SLC22A25: variants seen among roughly 807,000 people sequenced by gnomAD.
SLC22A25 encodes solute carrier family 22 member 25.
SLC22A25 carries 44 observed loss-of-function variants against 45.9 expected under a neutral mutation model. The observed-to-expected ratio is 0.96, with a 90% confidence interval of 0.75 to 1.23. The LOEUF (loss-of-function observed/expected upper bound fraction) is 1.23. Ranked by LOEUF, SLC22A25 falls within the 50% of genes most tolerant of loss-of-function variation. The pLI is 0.00. For missense variants in SLC22A25, 800 were observed against 666.4 expected (o/e 1.20, Z -2.21); for synonymous variants, 283 against 238.6 (o/e 1.19, Z -1.72).
chr11:63,226,240 C>T (rs2089959628), intron 5 of SLC22A25, among the ~76,000 whole-genome samples: 2 of 152,080 alleles, frequency 1.3e-5, no homozygotes, highest in African/African-American at 4.8e-5. Flanking sequence ...GTTAGATATT[C>T]ATTGTGGTTT....
At chr11:63,230,282 T>C (rs1023165518) in intron 3 of SLC22A25, among the ~76,000 whole-genome samples, 186 bp from the exon 4 acceptor site, 3 of 152,192 alleles carry the variant, frequency 2.0e-5, no homozygotes, top group Non-Finnish European at 4.4e-5. Context: ...TTACTTCAAA[T>C]GTGGGGAGAG....
At chr11:63,194,901 A>C (rs2088956739) in intron 7 of SLC22A25, among the ~76,000 whole-genome samples, 1 of 29,594 alleles carries the variant, frequency 3.4e-5, no homozygotes, top group Non-Finnish European at 6.4e-5. Flanking sequence ...AAAAAAAAAA[A>C]AAAAAAAAAA....
chr11:63,218,197 C>T, intron 5 of SLC22A25: 1 of 399,096 alleles, frequency 2.5e-6, no homozygotes, highest in Admixed American at 2.9e-5. Flanking sequence ...TCTTCTGCAG[C>T]AACATGGATG....
In SLC22A25 at chr11:63,217,676, C is replaced by G. The variant is rs181827369; in HGVS notation, c.566G>C (p.Cys189Ser). Reference protein sequence around the residue: ...SYLQLAIVGTCAAFAPTILVY... With the variant: ...SYLQLAIVGTSAAFAPTILVY... ...GAGGATGGTGGGAGCAAAGGCCGCACAGGTGCCTACAATGGCGAGCTGGAG... is the reference window on the plus strand; with the variant it reads ...GAGGATGGTGGGAGCAAAGGCCGCAGAGGTGCCTACAATGGCGAGCTGGAG... Residue 189 changes from cysteine to serine, a missense_variant, in exon 6 of 12, where the codon TGT becomes TCT. By Grantham distance (112) the Cys-to-Ser change is moderately radical (BLOSUM62 -1). Transcript: ENST00000306494. 52 of 1,613,926 alleles carry G rather than the reference C, an allele frequency of 3.2e-5. No homozygotes were observed. The African/African-American group carries it at 4.3e-4, about 13-fold the overall frequency.
intron 8 of SLC22A25, among the ~76,000 whole-genome samples, chr11:63,181,977 C>A (rs1438276889): frequency 6.6e-6 from 1 of 152,044 alleles, no homozygotes; most frequent in African/African-American, 2.4e-5. Flanking sequence ...ACTGAACTCG[C>A]TGACCACTAA....
intron 7 of SLC22A25, among the ~76,000 whole-genome samples, chr11:63,186,786 AT>A (rs1162750726): frequency 1.3e-5 from 2 of 151,962 alleles, no homozygotes; most frequent in African/African-American, 4.8e-5. Flanking sequence ...TCCCAGCACC[AT>A]TTATTAAATA....
chr11:63,189,225 A>C (rs1025425037), intron 7 of SLC22A25, among the ~76,000 whole-genome samples: 5 of 151,668 alleles, frequency 3.3e-5, no homozygotes, highest in East Asian at 1.9e-4. Context: ...GAATCTGGGT[A>C]CTCCTGTATT....
chr11:63,200,854 A>G (rs2089217557), intron 7 of SLC22A25, among the ~76,000 whole-genome samples: 1 of 152,212 alleles, frequency 6.6e-6, no homozygotes, highest in African/African-American at 2.4e-5. Flanking sequence ...GCATTCCTGT[A>G]CACCAACAAC....
intron 7 of SLC22A25, among the ~76,000 whole-genome samples, chr11:63,205,732 G>T (rs184822488): frequency 2.0e-5 from 3 of 152,266 alleles, no homozygotes; most frequent in East Asian, 3.9e-4. Context: ...GGTACAAAGA[G>T]AAGTTGGTAC....
intron 1 of SLC22A25, among the ~76,000 whole-genome samples, chr11:63,240,607 A>T (rs2090232094): frequency 6.6e-6 from 1 of 152,156 alleles, no homozygotes; most frequent in South Asian, 2.1e-4. Context: ...CTGTACAAGA[A>T]TTTTTTTATA....
rs528373658 is a variant in SLC22A25, at chr11:63,192,762, G to T, written c.831-8945C>A. Among the ~76,000 whole-genome samples, 4 of 152,244 alleles carry T rather than the reference G, an allele frequency of 2.6e-5. No individual in the cohort carries two copies. In the South Asian group the frequency reaches 8.3e-4, roughly 32 times the overall value. ...AAGAAGGCATTACATAATGGCAAAGGGTTCAATTCAACAAGAAGATCTAAC... is the reference window on the plus strand; with the variant it reads ...AAGAAGGCATTACATAATGGCAAAGTGTTCAATTCAACAAGAAGATCTAAC... On this transcript the variant is annotated intron_variant, in intron 7 of 11. Coordinates refer to ENST00000306494, the MANE Select transcript of SLC22A25 (RefSeq NM_199352.6).
intron 5 of SLC22A25, among the ~76,000 whole-genome samples, chr11:63,220,668 A>C (rs2089833062): frequency 6.6e-6 from 1 of 152,174 alleles, no homozygotes; most frequent in African/African-American, 2.4e-5. Flanking sequence ...TTAAATTATT[A>C]CTGACTGCAG....
chr11:63,231,444 G>A (rs908234242), intron 3 of SLC22A25, among the ~76,000 whole-genome samples: 1 of 152,192 alleles, frequency 6.6e-6, no homozygotes, highest in South Asian at 2.1e-4. Context: ...CTGCATAAAT[G>A]TCTTCTTTTG....
rs777438252 is a variant in SLC22A25 at position 63,164,053 on chromosome 11, G to C, written c.1415C>G (p.Thr472Ser). Reference protein sequence around the residue: ...SIIRGRATGITGNFANIGGAL... With the variant: ...SIIRGRATGISGNFANIGGAL... ...TCCCCCAATATTAGCAAAGTTTCCA[G>C]TGATTCCAGTAGCTCTTCCCCTTGG... Residue 472 changes from threonine to serine, a missense_variant, in exon 12 of 12, where the codon ACT (threonine) becomes AGT (serine). Physicochemically the swap from Thr to Ser is moderately conservative, Grantham distance 58. Transcript: ENST00000306494. The C allele has an allele frequency of 6.2e-7, 1 of 1,604,816 alleles. No individual in the cohort carries two copies. The highest frequency in any genetic ancestry group is 8.5e-7 in the Non-Finnish European group (1 of 1,175,174).
intron 7 of SLC22A25, among the ~76,000 whole-genome samples, chr11:63,191,995 A>G (rs892580491): frequency 6.6e-6 from 1 of 152,166 alleles, no homozygotes; most frequent in South Asian, 2.1e-4. Context: ...CCAGTAAGAT[A>G]CTTCACAAGA....
intron 7 of SLC22A25, among the ~76,000 whole-genome samples, chr11:63,188,031 C>T (rs2088632881): frequency 6.6e-6 from 1 of 152,108 alleles, no homozygotes. Flanking sequence ...CTCTGCCAGG[C>T]TTTGGTATCA....
chr11:63,180,578 C>A, intron 9 of SLC22A25, 82 bp downstream of exon 9: 2 of 995,938 alleles, frequency 2.0e-6, no homozygotes, highest in Admixed American at 2.6e-5. Context: ...TATTTTCCTT[C>A]AACATGTTGT....
chr11:63,239,603 TAA>T (rs1244222832), intron 1 of SLC22A25, among the ~76,000 whole-genome samples: 1 of 152,230 alleles, frequency 6.6e-6, no homozygotes, highest in African/African-American at 2.4e-5. Flanking sequence ...AATTTGGGCT[TAA>T]AGAGTTAGTG....
intron 7 of SLC22A25, among the ~76,000 whole-genome samples, chr11:63,211,524 G>C (rs1296710307): frequency 1.3e-5 from 2 of 152,084 alleles, no homozygotes; most frequent in East Asian, 1.9e-4. Flanking sequence ...GCCTGCCAGT[G>C]GGGGCAATTG....
Sources: allele counts gnomAD v4.1 joint callset (sites outside exome capture counted in the v4.1 genomes callset), GRCh38; gene constraint gnomAD v4.1.1; transcripts MANE v1.5; gene names NCBI Gene and HGNC (gene_info 2026-07-23, HGNC 2026-07-21).